DNAH9: variants seen among roughly 807,000 people sequenced by gnomAD.
DNAH9 encodes dynein axonemal heavy chain 9, also known as DNAH9 variant protein.
In DNAH9, 345 loss-of-function variants were observed where a neutral mutation model predicts 471.6. That is an observed-to-expected ratio of 0.73 (90% CI 0.67 to 0.80). The LOEUF (loss-of-function observed/expected upper bound fraction) is 0.80, where lower values mean the gene tolerates loss of function less well. Ranked by LOEUF, DNAH9 falls within the 30% of genes least tolerant of loss-of-function variation. DNAH9 has a pLI of 0.00. For synonymous variants in DNAH9, 2,093 were observed against 2,123.6 expected (o/e 0.99, Z 0.40); for missense variants, 5,407 against 5,609.2 (o/e 0.96, Z 1.15).
chr17:11,731,397 C>CTTT (rs554155627), intron 28 of DNAH9, among the ~76,000 whole-genome samples: 1 of 147,924 alleles, frequency 6.8e-6, no homozygotes, highest in African/African-American at 2.5e-5. Flanking sequence ...CAGGTCTTCT[C>CTTT]TTTTTTTTTT....
At chr17:11,653,053 C>A in intron 14 of DNAH9, 51 bp downstream of exon 14, 1 of 1,588,192 alleles carries the variant, frequency 6.3e-7, no homozygotes, top group Admixed American at 1.7e-5. Flanking sequence ...GGGAAAGCAT[C>A]AAAAAGTGTG....
chr17:11,821,997 G>C lies in DNAH9; in HGVS notation c.8785G>C (p.Gly2929Arg). ...SNVRNEVKSQ[G>R]LVDNRENCWK... Reference sequence around the variant, plus strand: ...TGTGAGGAATGAAGTCAAGAGCCAGGGTCTGGTTGACAACAGAGAGAACTG... The same window carrying C: ...TGTGAGGAATGAAGTCAAGAGCCAGCGTCTGGTTGACAACAGAGAGAACTG... The change falls in exon 46 of 69, where the codon GGT becomes CGT. Residue 2929 changes from glycine (G) to arginine (R), a missense_variant. By Grantham distance (125) the Gly-to-Arg change is moderately radical. Around this residue, in one of 3 missense-constraint regions of DNAH9, gnomAD observed 4,636 missense variants for 4,900.3 expected, o/e 0.95. Coordinates refer to ENST00000262442, the MANE Select transcript of DNAH9 (RefSeq NM_001372.4). 1.2e-6 allele frequency: 2 copies of C among 1,614,130 alleles called. No homozygotes were observed. Among genetic ancestry groups the C allele is most frequent in the Admixed American group, 1.7e-5 (1 of 60,016 alleles).
chr17:11,807,391 G>T (rs1969728383), intron 43 of DNAH9, among the ~76,000 whole-genome samples: 1 of 152,118 alleles, frequency 6.6e-6, no homozygotes, highest in Non-Finnish European at 1.5e-5. Context: ...TGAAGTGGGA[G>T]GTGTGGCAGG....
intron 25 of DNAH9, 54 bp downstream of exon 25, chr17:11,704,496 C>CAGCACAT (rs1435052573): frequency 2.5e-5 from 40 of 1,576,120 alleles, no homozygotes; most frequent in Non-Finnish European, 3.3e-5. Context: ...ACACTGAGAA[C>CAGCACAT]AGCACATACA....
intron 48 of DNAH9, among the ~76,000 whole-genome samples, chr17:11,829,735 A>T (rs1367528078): frequency 5.3e-5 from 8 of 152,192 alleles, no homozygotes. Context: ...GGCCTTCCAA[A>T]GTGCTGGGAT....
chr17:11,802,602 A>G (rs1044240996), intron 43 of DNAH9, among the ~76,000 whole-genome samples: 1 of 149,880 alleles, frequency 6.7e-6, no homozygotes, highest in African/African-American at 2.5e-5. Context: ...GCTGCATTCC[A>G]GCCTGAGCAA....
chr17:11,935,275 C>CTTACTATTACTTCGGTCTTTTATG (rs1281988950), intron 65 of DNAH9, among the ~76,000 whole-genome samples: 1 of 149,248 alleles, frequency 6.7e-6, no homozygotes, highest in Non-Finnish European at 1.5e-5. Flanking sequence ...TGGAGGTTTT[C>CTTACTATTACTTCGGTCTTTTATG]TTACTATTAC....
chr17:11,881,137 A>T (rs1972703014), intron 54 of DNAH9, 72 bp from the exon 55 acceptor site: 2 of 1,426,460 alleles, frequency 1.4e-6, no homozygotes, highest in East Asian at 2.3e-5. Context: ...GTTTGAAAAA[A>T]ATCTCAAATT....
intron 48 of DNAH9, among the ~76,000 whole-genome samples, chr17:11,832,789 G>A (rs1656391284): frequency 1.3e-5 from 2 of 152,172 alleles, no homozygotes; most frequent in Non-Finnish European, 1.5e-5. Flanking sequence ...TGGTTGTTGC[G>A]TGAAATAGAC....
chr17:11,617,533 T>C lies in DNAH9; in HGVS notation c.1027T>C (p.Cys343Arg). ...PQLRPLLHVVCLIWATCKSYR... is the reference protein window; with the variant it reads ...PQLRPLLHVVRLIWATCKSYR... ...GCTGCGGCCCCTGCTCCACGTGGTCTGTCTGATTTGGGCCACATGCAAGTC... is the reference window on the plus strand; with the variant it reads ...GCTGCGGCCCCTGCTCCACGTGGTCCGTCTGATTTGGGCCACATGCAAGTC... The change falls in exon 5 of 69, where the codon TGT becomes CGT. Residue 343 changes from cysteine to arginine, a missense_variant. Cys to Arg is a radical substitution (Grantham distance 180, BLOSUM62 -3). Transcript: ENST00000262442. The C allele has an allele frequency of 1.2e-6, 2 of 1,614,104 alleles. No individual in the cohort carries two copies. The highest frequency in any genetic ancestry group is 1.7e-6 in the Non-Finnish European group (2 of 1,179,962).
Position 11,598,654 on chromosome 17 carries a change from G to A in DNAH9, c.156G>A (p.Ala52=), listed in dbSNP as rs1261933251. The change falls in exon 1 of 69, where the codon GCG becomes GCA. Residue 52 remains alanine, a synonymous_variant. Transcript: ENST00000262442. ...AWERCAGSAE[A]EQLLQAFLGR... ...AGCGTTGCGCGGGGAGTGCTGAGGC[G>A]GAGCAGCTGCTCCAGGCCTTCCTGG... is the stretch of plus-strand genomic sequence containing the variant. The A allele has an allele frequency of 8.9e-6, 12 of 1,354,582 alleles. No individual in the cohort carries two copies. The highest frequency in any genetic ancestry group is 3.5e-5 in the South Asian group (2 of 57,044). The allele number at this position is 1,354,582 out of a possible 1,614,324, so 83.9% of individuals were successfully genotyped here.
intron 48 of DNAH9, among the ~76,000 whole-genome samples, chr17:11,825,083 C>T (rs1483649907): frequency 1.3e-5 from 2 of 152,122 alleles, no homozygotes; most frequent in African/African-American, 4.8e-5. Flanking sequence ...CCCTGTCTTT[C>T]CCTTTGTATG....
chr17:11,819,955 C>T (rs112114870), intron 45 of DNAH9, among the ~76,000 whole-genome samples: 20 of 151,890 alleles, frequency 1.3e-4, no homozygotes, highest in African/African-American at 4.8e-4. Flanking sequence ...ATTTTTTGCA[C>T]GGTTTGGGGC....
chr17:11,782,942 G>C (rs552093073), intron 39 of DNAH9, among the ~76,000 whole-genome samples: 86 of 152,200 alleles, frequency 5.7e-4, no homozygotes, highest in African/African-American at 2.0e-3. Flanking sequence ...TTATTCTATT[G>C]GGTTAAAAAA....
intron 26 of DNAH9, among the ~76,000 whole-genome samples, chr17:11,710,206 C>A (rs1215807549): frequency 6.6e-6 from 1 of 151,984 alleles, no homozygotes; most frequent in African/African-American, 2.4e-5. Flanking sequence ...AAATATTTTT[C>A]TAAAACACTC....
rs923910666 is a variant in DNAH9 at position 11,809,030 on chromosome 17, TGA to T, written c.8583+1147_8583+1148del. 3.3e-5 allele frequency among the ~76,000 whole-genome samples: 5 copies of T among 152,140 alleles called. No individual in the cohort carries two copies. The East Asian group carries it at 7.7e-4, about 24-fold the overall frequency. On this transcript the variant is annotated intron_variant, in intron 44 of 68. Coordinates refer to ENST00000262442, the MANE Select transcript of DNAH9 (RefSeq NM_001372.4). ...TTGTTAGAAATAGCTGTGAGTAATG[TGA>T]GAGAGAGAGAAAGGCAACATCAAGA...
chr17:11,598,531 G>A lies in DNAH9; in HGVS notation c.33G>A (p.Ala11=). 7 of 1,401,268 alleles carry A rather than the reference G, an allele frequency of 5.0e-6. No homozygotes were observed. The highest frequency in any genetic ancestry group is 1.6e-5 in the South Asian group (1 of 63,890). The allele number at this position is 1,401,268 out of a possible 1,614,324, so 86.8% of individuals were successfully genotyped here. A position where few individuals can be genotyped will look rare whatever the true frequency, so the allele number is the denominator to read the frequency against. The change falls in exon 1 of 69, where the codon GCG becomes GCA. Residue 11 remains alanine, a synonymous_variant. Coordinates refer to ENST00000262442, the MANE Select transcript of DNAH9 (RefSeq NM_001372.4). MRLAEERAAL[A]AENADGEPGA... ...TCGCGGAGGAGCGGGCCGCGCTCGC[G>A]GCGGAGAACGCGGATGGGGAACCCG...
chr17:11,776,833 A>C (rs1458268945), intron 38 of DNAH9, among the ~76,000 whole-genome samples: 3 of 152,166 alleles, frequency 2.0e-5, no homozygotes, highest in African/African-American at 7.2e-5. Context: ...AGTCATGCAC[A>C]AACCACAGGT....
intron 31 of DNAH9, among the ~76,000 whole-genome samples, chr17:11,745,890 C>T (rs1472713180): frequency 6.6e-6 from 1 of 152,100 alleles, no homozygotes; most frequent in East Asian, 1.9e-4. Flanking sequence ...AAAATATTCA[C>T]ACATGCACAC....
Sources: allele counts gnomAD v4.1 joint callset (sites outside exome capture counted in the v4.1 genomes callset), GRCh38; gene constraint gnomAD v4.1.1; regional missense constraint gnomAD v4.1.1; transcripts MANE v1.5; gene names NCBI Gene and HGNC (gene_info 2026-07-23, HGNC 2026-07-21).